The following PRDM6 variants were observed in gnomAD, a reference collection of about 807,000 sequenced individuals.
PRDM6 encodes the protein PR/SET domain 6.
A neutral mutation model predicts 60.8 loss-of-function variants in PRDM6; 25 were observed. The ratio of observed to expected loss-of-function variants is 0.41; its 90% CI spans 0.30 to 0.57. PRDM6 has a LOEUF of 0.57. Ranked by LOEUF, PRDM6 falls within the 20% of genes least tolerant of loss-of-function variation. PRDM6 has a pLI of 0.27. For missense variants in PRDM6, 839 were observed against 821.3 expected (o/e 1.02, Z -0.26); for synonymous variants, 407 against 357.4 (o/e 1.14, Z -1.57).
In PRDM6 at chr5:123,184,282, A is replaced by G. The variant is rs181486682; in HGVS notation, c.1674-2805A>G. On this transcript the variant is annotated intron_variant, in intron 7 of 7. Transcript: ENST00000407847. ...CGTACATATAATCCAGTCAACCATC[A>G]TAGTAAGTAAAGAATGATCTCAAAC... 7.7e-4 allele frequency among the ~76,000 whole-genome samples: 117 copies of G among 152,294 alleles called. 2 individuals carry two copies. The East Asian group carries it at 0.019, about 25-fold the overall frequency.
intron 6 of PRDM6, among the ~76,000 whole-genome samples, chr5:123,173,716 T>A (rs940525198): frequency 2.0e-5 from 3 of 152,226 alleles, no homozygotes; most frequent in Admixed American, 6.5e-5. Flanking sequence ...TCATCACATC[T>A]GAGTTGATTG....
At chr5:123,118,383 C>T (rs1278677164) in intron 3 of PRDM6, among the ~76,000 whole-genome samples, 1 of 152,126 alleles carries the variant, frequency 6.6e-6, no homozygotes, top group Non-Finnish European at 1.5e-5. Flanking sequence ...TTCTTGAAAA[C>T]TAGGTAGAGA....
intron 5 of PRDM6, among the ~76,000 whole-genome samples, chr5:123,165,154 G>C (rs1019172310): frequency 2.6e-5 from 4 of 152,104 alleles, no homozygotes; most frequent in African/African-American, 7.2e-5. Flanking sequence ...TTTCAATCCA[G>C]ACCTCCTTAC....
At position 123,189,208 on chromosome 5, in the gene PRDM6, A is replaced by T. The variant is rs1766355853; in HGVS notation, c.*2007A>T. On this transcript the variant is annotated 3_prime_UTR_variant, in exon 8 of 8. Coordinates refer to ENST00000407847, the MANE Select transcript of PRDM6 (RefSeq NM_001136239.4). ...TGCGTCACTGGGAAGTGTGAATGAAATGTAGCCATATTAACCTGAAACCTG... is the reference window on the plus strand; with the variant it reads ...TGCGTCACTGGGAAGTGTGAATGAATTGTAGCCATATTAACCTGAAACCTG... 6.6e-6 allele frequency: 1 copy of T among 152,240 alleles called. No homozygotes were observed. Among genetic ancestry groups the T allele is most frequent in the Non-Finnish European group, 1.5e-5 (1 of 68,044 alleles). 9.4% of individuals were successfully genotyped at this position (152,240 alleles called of 1,614,324 possible).
intron 4 of PRDM6, among the ~76,000 whole-genome samples, chr5:123,158,709 T>G (rs567219497): frequency 6.6e-6 from 1 of 152,270 alleles, no homozygotes; most frequent in African/African-American, 2.4e-5. Context: ...GCCAATTCCT[T>G]ACAGAAAGGA....
rs1320853402 is a variant in PRDM6 at position 123,089,980 on chromosome 5, T to C, written c.-15-20T>C. On this transcript the variant is annotated intron_variant, in intron 1 of 7. Transcript: ENST00000407847. ...TTCGCCCAGCTCACGCGCCCCCTCT[T>C]CCCTGCCCTCTGCCCCCAGTTCGAG... 2.0e-6 allele frequency: 3 copies of C among 1,520,620 alleles called. No homozygotes were observed. The highest frequency in any genetic ancestry group is 2.7e-6 in the Non-Finnish European group (3 of 1,124,938). The allele number at this position is 1,520,620 out of a possible 1,614,324, so 94.2% of individuals were successfully genotyped here.
chr5:123,150,874 A>G (rs959400829), intron 3 of PRDM6, among the ~76,000 whole-genome samples: 4 of 152,168 alleles, frequency 2.6e-5, no homozygotes, highest in African/African-American at 9.7e-5. Context: ...TTAAATCATC[A>G]TATGAAATTC....
intron 5 of PRDM6, among the ~76,000 whole-genome samples, chr5:123,163,704 T>C (rs907712690): frequency 1.3e-5 from 2 of 152,132 alleles, no homozygotes; most frequent in East Asian, 3.9e-4. Flanking sequence ...CAGTGGGGGA[T>C]TAGCTCCTGC....
chr5:123,120,424 G>A (rs1346934115), intron 3 of PRDM6, among the ~76,000 whole-genome samples: 1 of 152,198 alleles, frequency 6.6e-6, no homozygotes, highest in Non-Finnish European at 1.5e-5. Flanking sequence ...GACAGGGTGA[G>A]AGGTGTGGAG....
chr5:123,142,637 A>C (rs1765131110), intron 3 of PRDM6, among the ~76,000 whole-genome samples: 1 of 152,162 alleles, frequency 6.6e-6, no homozygotes, highest in Non-Finnish European at 1.5e-5. Context: ...TGACTCACTA[A>C]ATCCAGCAAT....
chr5:123,093,566 C>T (rs1284874029), intron 2 of PRDM6, among the ~76,000 whole-genome samples: 2 of 152,204 alleles, frequency 1.3e-5, no homozygotes, highest in Non-Finnish European at 2.9e-5. Context: ...GCTCTGAATG[C>T]TTTGCTGTTG....
Position 123,120,266 on chromosome 5 carries a change from G to A in PRDM6, c.900+20305G>A, listed in dbSNP as rs530641550. 2.6e-4 allele frequency among the ~76,000 whole-genome samples: 39 copies of A among 152,308 alleles called. 1 individual carries two copies. Among genetic ancestry groups the A allele is most frequent in the Admixed American group, 2.2e-3 (34 of 15,298 alleles). Reference sequence around the variant, plus strand: ...ATATTCTAGATGCTGTTTTGAAGCCGTCCTGTGTTATGTCCAAACAGTGTT... The same window carrying A: ...ATATTCTAGATGCTGTTTTGAAGCCATCCTGTGTTATGTCCAAACAGTGTT... On this transcript the variant is annotated intron_variant, in intron 3 of 7. Transcript: ENST00000407847.
At chr5:123,091,992 C>T (rs912907784) in intron 2 of PRDM6, among the ~76,000 whole-genome samples, 2 of 151,558 alleles carry the variant, frequency 1.3e-5, no homozygotes, top group African/African-American at 4.8e-5. Flanking sequence ...TGAATATTTT[C>T]ATTATGTTGG....
intron 6 of PRDM6, among the ~76,000 whole-genome samples, chr5:123,177,027 T>A (rs758763584): frequency 2.0e-5 from 3 of 152,306 alleles, no homozygotes; most frequent in Non-Finnish European, 4.4e-5. Flanking sequence ...ATGTGCTAAT[T>A]GAAATGGGCA....
chr5:123,153,528 T>G (rs971329934), intron 3 of PRDM6, among the ~76,000 whole-genome samples: 1 of 152,204 alleles, frequency 6.6e-6, no homozygotes, highest in African/African-American at 2.4e-5. Flanking sequence ...TGAAATATTA[T>G]AATGTTAGTA....
At chr5:123,130,577 C>T (rs399103) in intron 3 of PRDM6, among the ~76,000 whole-genome samples, 9,267 of 121,422 alleles carry the variant, frequency 0.076, 304 homozygotes, top group Non-Finnish European at 0.09. Flanking sequence ...TTTTTTTTTT[C>T]TTTTGAGACA....
At position 123,155,983 on chromosome 5, in the gene PRDM6, G is replaced by A. The variant is rs751413126; in HGVS notation, c.1000G>A (p.Glu334Lys). The A allele has an allele frequency of 2.6e-6, 4 of 1,551,688 alleles. No individual in the cohort carries two copies. ...RYIRCARHCG[E>K]QNLTVVQYRS... is the part of the protein sequence containing the mutation. ...TATCCGATGTGCAAGGCACTGCGGA[G>A]AACAGAATCTAACAGTAGTTCAGTA... is the stretch of plus-strand genomic sequence containing the variant. Residue 334 changes from glutamate to lysine, a missense_variant, in exon 4 of 8, where the codon GAA (glutamate) becomes AAA (lysine). Physicochemically the swap from Glu to Lys is moderately conservative, Grantham distance 56. This residue lies in a region of PRDM6 where 730 missense variants were observed against 648.8 expected (regional missense o/e 1.13). Coordinates refer to ENST00000407847, the MANE Select transcript of PRDM6 (RefSeq NM_001136239.4).
chr5:123,170,980 C>G lies in PRDM6; in HGVS notation c.1368C>G (p.Ser456Arg), dbSNP rs1286455519. ...TGAAAAACCAGCGAGTCCTGGCAAG[C>G]CCAACTTCCACAAGCCAGCTCCACT... ...INVKNQRVLA[S>R]PTSTSQLHSE... Residue 456 changes from serine to arginine, a missense_variant, in exon 6 of 8, where the codon AGC (serine) becomes AGG (arginine). Physicochemically the swap from Ser to Arg is moderately radical, Grantham distance 110. This residue lies in a region of PRDM6 where 730 missense variants were observed against 648.8 expected (regional missense o/e 1.13). Transcript: ENST00000407847. 18 of 1,551,694 alleles carry G rather than the reference C, an allele frequency of 1.2e-5. No homozygotes were observed. Among genetic ancestry groups the G allele is most frequent in the Non-Finnish European group, 1.4e-5 (16 of 1,147,034 alleles).
At chr5:123,142,903 C>CAAAAAAAAAAAAAAAAAAAAAAAACAAA (rs1337695138) in intron 3 of PRDM6, among the ~76,000 whole-genome samples, 1 of 68,128 alleles carries the variant, frequency 1.5e-5, no homozygotes, top group Non-Finnish European at 2.8e-5. Context: ...AAAAAAAAAA[C>CAAAAAAAAAAAAAAAAAAAAAAAACAAA]AAACAAACCA....
Sources: allele counts gnomAD v4.1 joint callset (sites outside exome capture counted in the v4.1 genomes callset), GRCh38; gene constraint gnomAD v4.1.1; regional missense constraint gnomAD v4.1.1; transcripts MANE v1.5; gene names NCBI Gene and HGNC (gene_info 2026-07-23, HGNC 2026-07-21).